OSBPL6: variants seen among roughly 807,000 people sequenced by gnomAD.
OSBPL6 encodes the protein oxysterol binding protein like 6.
Under a neutral mutation model 125.8 loss-of-function variants are expected in OSBPL6, and 49 were observed. The observed-to-expected ratio is 0.39, with a 90% CI of 0.31 to 0.49. The LOEUF (loss-of-function observed/expected upper bound fraction) is 0.49. OSBPL6 is among the 20% of genes least tolerant of loss of function. The probability of loss-of-function intolerance (pLI) is 0.88; values close to 1 mark genes in which losing one functional copy is unlikely to be tolerated. For synonymous variants in OSBPL6, 394 were observed against 391.8 expected (o/e 1.01, Z -0.07); for missense variants, 986 against 1,135.4 (o/e 0.87, Z 1.89).
chr2:178,372,205 G>C lies in OSBPL6; in HGVS notation c.1367G>C (p.Ser456Thr). Reference sequence around the variant, plus strand: ...TCTATTATTTGTGATCAGGTTGTCAGTGTAAATATTATTCCTAGCCCTGAT... The same window carrying C: ...TCTATTATTTGTGATCAGGTTGTCACTGTAAATATTATTCCTAGCCCTGAT... ...SESIICDQVV[S>T]VNIIPSPDEA... The change falls in exon 14 of 25, where the codon AGT (serine) becomes ACT (threonine). Residue 456 changes from serine to threonine, a missense_variant. Transcript: ENST00000190611. 1 of 1,612,956 alleles carries C rather than the reference G, an allele frequency of 6.2e-7. No individual in the cohort carries two copies. Among genetic ancestry groups the C allele is most frequent in the Non-Finnish European group, 8.5e-7 (1 of 1,179,244 alleles).
At chr2:178,213,527 C>T (rs557603752) in intron 1 of OSBPL6, among the ~76,000 whole-genome samples, 3 of 152,176 alleles carry the variant, frequency 2.0e-5, no homozygotes, top group African/African-American at 4.8e-5. Flanking sequence ...ATGCCTCCAT[C>T]GTCTCCTTCC....
In OSBPL6 at chr2:178,379,116, G is replaced by A. The variant is rs1045297121; in HGVS notation, c.1534-3304G>A. On this transcript the variant is annotated intron_variant, in intron 15 of 24. Transcript: ENST00000190611. Reference sequence around the variant, plus strand: ...GAGCCCAGGAGGGAAAGGCTGTGTCGAGCTGTGATTGTACCATTGTACTCC... The same window carrying A: ...GAGCCCAGGAGGGAAAGGCTGTGTCAAGCTGTGATTGTACCATTGTACTCC... Among the ~76,000 whole-genome samples, 5 of 151,838 alleles carry A rather than the reference G, an allele frequency of 3.3e-5. No homozygotes were observed. The East Asian group carries it at 5.8e-4, about 18-fold the overall frequency.
At chr2:178,387,832 A>G (rs979926499) in intron 20 of OSBPL6, among the ~76,000 whole-genome samples, 5 of 151,948 alleles carry the variant, frequency 3.3e-5, no homozygotes, top group African/African-American at 1.2e-4. Flanking sequence ...GTGAAACCCC[A>G]TCTCTACTAA....
chr2:178,320,173 G>A (rs1688114332), intron 3 of OSBPL6: 2 of 1,303,150 alleles, frequency 1.5e-6, no homozygotes. Context: ...CTATTATTAA[G>A]TGTCTCATTG....
At position 178,401,159 on chromosome 2, in the gene OSBPL6, TA is replaced by T. The variant is rs1696093406; in HGVS notation, c.*5602del. ...CTGGGAAGTGTTTTTCTCTTCTGTG[TA>T]ATGAAAGACTCACTGACAAAGCCGT... On this transcript the variant is annotated 3_prime_UTR_variant, in exon 25 of 25. Coordinates refer to ENST00000190611, the MANE Select transcript of OSBPL6 (RefSeq NM_032523.4). 6.6e-6 allele frequency: 1 copy of T among 152,248 alleles called. No individual in the cohort carries two copies. The highest frequency in any genetic ancestry group is 2.4e-5 in the African/African-American group (1 of 41,466). The allele number at this position is 152,248 out of a possible 1,614,324, so 9.4% of individuals were successfully genotyped here.
chr2:178,269,520 G>T (rs1232019188), intron 1 of OSBPL6, among the ~76,000 whole-genome samples: 1 of 152,194 alleles, frequency 6.6e-6, no homozygotes, highest in Non-Finnish European at 1.5e-5. Context: ...CAATGTAAGA[G>T]AATTTAAATA....
rs35367535 is a variant in OSBPL6 at position 178,198,617 on chromosome 2, CATAAATAA to C, written c.-351+3976_-351+3983del. On this transcript the variant is annotated intron_variant, in intron 1 of 24. Transcript: ENST00000190611. ...TTTAGGTGACAGCGAGACTCCATCT[CATAAATAA>C]ATAAATAAATAAATAAATAAATAAA... 2.2e-3 allele frequency among the ~76,000 whole-genome samples: 298 copies of C among 137,414 alleles called. 7 individuals carry two copies. In the South Asian group the frequency reaches 0.034, roughly 16 times the overall value. 90.1% of individuals were successfully genotyped at this position (137,414 alleles called of 152,430 possible).
chr2:178,315,068 T>C (rs1031487708), intron 3 of OSBPL6, among the ~76,000 whole-genome samples: 1 of 152,230 alleles, frequency 6.6e-6, no homozygotes, highest in African/African-American at 2.4e-5. Flanking sequence ...TGTTAATAGT[T>C]ATTATGAACT....
At chr2:178,270,431 C>T (rs531476954) in intron 1 of OSBPL6, among the ~76,000 whole-genome samples, 1 of 152,310 alleles carries the variant, frequency 6.6e-6, no homozygotes, top group Non-Finnish European at 1.5e-5. Context: ...GGTGGACACT[C>T]TCTTAGTAGC....
intron 1 of OSBPL6, among the ~76,000 whole-genome samples, chr2:178,237,839 C>T (rs1392308732): frequency 6.6e-6 from 1 of 152,168 alleles, no homozygotes; most frequent in Non-Finnish European, 1.5e-5. Flanking sequence ...GCAATCAAGC[C>T]ATTCCAACCA....
At chr2:178,275,596 C>G (rs969255318) in intron 1 of OSBPL6, among the ~76,000 whole-genome samples, 2 of 152,048 alleles carry the variant, frequency 1.3e-5, no homozygotes, top group South Asian at 4.2e-4. Flanking sequence ...ATGGAATCGA[C>G]AGTAGGAAAT....
chr2:178,225,601 AT>A (rs2090529041), intron 1 of OSBPL6, among the ~76,000 whole-genome samples: 1 of 152,208 alleles, frequency 6.6e-6, no homozygotes, highest in East Asian at 1.9e-4. Flanking sequence ...TGATAAAGAC[AT>A]ACCCGAGACT....
chr2:178,203,425 T>G (rs540554204), intron 1 of OSBPL6, among the ~76,000 whole-genome samples: 1 of 152,352 alleles, frequency 6.6e-6, no homozygotes, highest in South Asian at 2.1e-4. Flanking sequence ...GACTTTGTAG[T>G]TTTCAGCTCT....
chr2:178,258,444 T>C (rs2091953733), intron 1 of OSBPL6, among the ~76,000 whole-genome samples: 2 of 152,148 alleles, frequency 1.3e-5, no homozygotes, highest in South Asian at 4.1e-4. Context: ...ATTTCAAACA[T>C]GTATAGATTA....
chr2:178,381,633 G>C (rs1035768237), intron 15 of OSBPL6, among the ~76,000 whole-genome samples: 2 of 151,988 alleles, frequency 1.3e-5, no homozygotes, highest in Non-Finnish European at 2.9e-5. Context: ...GATTACAGGC[G>C]TGAGCCACCA....
chr2:178,199,606 G>C, intron 1 of OSBPL6, among the ~76,000 whole-genome samples: 1 of 119,722 alleles, frequency 8.4e-6, no homozygotes, highest in Admixed American at 8.6e-5. Context: ...TTTTTCATTT[G>C]TTAAATCCCC....
At chr2:178,379,512 G>A (rs1486349251) in intron 15 of OSBPL6, among the ~76,000 whole-genome samples, 2 of 152,088 alleles carry the variant, frequency 1.3e-5, no homozygotes, top group Non-Finnish European at 2.9e-5. Flanking sequence ...AAAAGAAATC[G>A]AGGAAGAATA....
intron 2 of OSBPL6, among the ~76,000 whole-genome samples, chr2:178,294,675 C>A (rs1288079659): frequency 6.7e-6 from 1 of 149,540 alleles, no homozygotes; most frequent in East Asian, 2.0e-4. Context: ...TCGGAAAATT[C>A]TAAGTCAAAC....
chr2:178,325,176 T>G (rs1688587272), intron 4 of OSBPL6, among the ~76,000 whole-genome samples: 1 of 152,210 alleles, frequency 6.6e-6, no homozygotes, highest in Admixed American at 6.5e-5. Flanking sequence ...TTCAATGGGC[T>G]TCCTCCTTTA....
Sources: allele counts gnomAD v4.1 joint callset (sites outside exome capture counted in the v4.1 genomes callset), GRCh38; gene constraint gnomAD v4.1.1; transcripts MANE v1.5; gene names NCBI Gene and HGNC (gene_info 2026-07-23, HGNC 2026-07-21).